CAMK1D: variants seen among roughly 807,000 people sequenced by gnomAD.
The protein encoded by CAMK1D is calcium/calmodulin dependent protein kinase ID, also known as calcium/calmodulin-dependent protein kinase type 1D.
CAMK1D carries 9 observed loss-of-function variants against 47.7 expected under a neutral mutation model. That is an observed-to-expected ratio of 0.19 (90% CI 0.11 to 0.33). The LOEUF (loss-of-function observed/expected upper bound fraction) is 0.33. Ranked by LOEUF, CAMK1D falls within the 10% of genes least tolerant of loss-of-function variation. The pLI is 1.00. For synonymous variants in CAMK1D, 184 were observed against 184.9 expected (o/e 0.99, Z 0.04); for missense variants, 291 against 488.7 (o/e 0.60, Z 3.81).
At chr10:12,709,174 G>A (rs910585719) in intron 3 of CAMK1D, among the ~76,000 whole-genome samples, 9 of 152,180 alleles carry the variant, frequency 5.9e-5, no homozygotes, top group Non-Finnish European at 8.8e-5. Context: ...TGGGAAAGCC[G>A]ACTTGGAGCT....
intron 1 of CAMK1D, among the ~76,000 whole-genome samples, chr10:12,430,595 A>G (rs1468810676): frequency 6.6e-6 from 1 of 152,204 alleles, no homozygotes; most frequent in Non-Finnish European, 1.5e-5. Context: ...ACACACTGAG[A>G]CCAGACAGCT....
intron 4 of CAMK1D, among the ~76,000 whole-genome samples, chr10:12,763,065 G>A (rs1836579871): frequency 1.3e-5 from 2 of 152,212 alleles, no homozygotes; most frequent in Non-Finnish European, 2.9e-5. Context: ...GGGAGATAAT[G>A]TTTTTAATTA....
chr10:12,680,880 G>A (rs1345643992), intron 3 of CAMK1D, among the ~76,000 whole-genome samples: 3 of 100,780 alleles, frequency 3.0e-5, no homozygotes, highest in Admixed American at 1.2e-4. Flanking sequence ...GTGAGACCAT[G>A]TCTCAAAAAA....
At chr10:12,789,755 G>T (rs764424352) in intron 5 of CAMK1D, among the ~76,000 whole-genome samples, 15 of 152,186 alleles carry the variant, frequency 9.9e-5, no homozygotes, top group Non-Finnish European at 1.9e-4. Flanking sequence ...GATTGTTGGG[G>T]TGAGTGAGTG....
At chr10:12,352,621 T>TA (rs1837385595) in intron 1 of CAMK1D, among the ~76,000 whole-genome samples, 1 of 150,894 alleles carries the variant, frequency 6.6e-6, no homozygotes, top group Admixed American at 6.6e-5. Flanking sequence ...AAAAATAAAA[T>TA]AAAATAAATG....
chr10:12,479,426 C>T (rs1228575426), intron 1 of CAMK1D, among the ~76,000 whole-genome samples: 1 of 152,146 alleles, frequency 6.6e-6, no homozygotes, highest in Non-Finnish European at 1.5e-5. Flanking sequence ...GAACTCCTGA[C>T]TTCAGGTGAT....
intron 1 of CAMK1D, among the ~76,000 whole-genome samples, chr10:12,503,037 T>C (rs1278651348): frequency 6.6e-6 from 1 of 152,248 alleles, no homozygotes. Context: ...TGTGTGTGTG[T>C]GTGCATGTGT....
At chr10:12,660,630 A>G (rs962532055) in intron 2 of CAMK1D, among the ~76,000 whole-genome samples, 4 of 151,916 alleles carry the variant, frequency 2.6e-5, no homozygotes, top group Non-Finnish European at 5.9e-5. Flanking sequence ...ACTTCCCTCT[A>G]CCATTTCTGT....
chr10:12,484,283 ACCAAGTCG>A (rs1390614669), intron 1 of CAMK1D, among the ~76,000 whole-genome samples: 2 of 152,192 alleles, frequency 1.3e-5, no homozygotes, highest in Non-Finnish European at 2.9e-5. Context: ...GGCTGGCAAC[ACCAAGTCG>A]CCATCTCTCT....
chr10:12,540,301 A>C (rs1836124911), intron 1 of CAMK1D, among the ~76,000 whole-genome samples: 1 of 152,172 alleles, frequency 6.6e-6, no homozygotes, highest in Non-Finnish European at 1.5e-5. Context: ...ATAAGAAAAA[A>C]AAATGATTGA....
chr10:12,561,090 AT>A (rs1002229485), intron 2 of CAMK1D, among the ~76,000 whole-genome samples: 3 of 151,268 alleles, frequency 2.0e-5, no homozygotes, highest in Non-Finnish European at 2.9e-5. Flanking sequence ...ATTGTTTTGT[AT>A]TTTTTTTAAT....
intron 1 of CAMK1D, among the ~76,000 whole-genome samples, chr10:12,541,590 A>C (rs1836176505): frequency 6.6e-6 from 1 of 151,880 alleles, no homozygotes; most frequent in South Asian, 2.1e-4. Flanking sequence ...CGAACTCCTG[A>C]GCTTGTGATT....
intron 3 of CAMK1D, among the ~76,000 whole-genome samples, chr10:12,739,809 G>T (rs527685137): frequency 6.6e-6 from 1 of 152,024 alleles, no homozygotes; most frequent in South Asian, 2.1e-4. Flanking sequence ...GTCTTGGTTC[G>T]TTACAGCTCA....
At chr10:12,488,489 T>C (rs571898560) in intron 1 of CAMK1D, among the ~76,000 whole-genome samples, 9 of 152,168 alleles carry the variant, frequency 5.9e-5, no homozygotes, top group Non-Finnish European at 1.3e-4. Flanking sequence ...CACCAGGGAC[T>C]GGTTTCATGG....
chr10:12,717,987 G>A (rs1225670251), intron 3 of CAMK1D, among the ~76,000 whole-genome samples: 1 of 151,904 alleles, frequency 6.6e-6, no homozygotes, highest in Admixed American at 6.6e-5. Context: ...CTAGTGCAGT[G>A]TGTCATTATA....
chr10:12,802,730 C>T (rs572803016), intron 6 of CAMK1D, among the ~76,000 whole-genome samples: 2 of 152,286 alleles, frequency 1.3e-5, no homozygotes, highest in South Asian at 2.1e-4. Context: ...CCATGTTGGC[C>T]AGGCTGGTCT....
chr10:12,586,910 C>T (rs1837835576), intron 2 of CAMK1D, among the ~76,000 whole-genome samples: 2 of 152,242 alleles, frequency 1.3e-5, no homozygotes, highest in East Asian at 1.9e-4. Context: ...GGCCTGGGAG[C>T]GGCTTTGGAG....
chr10:12,809,825 C>T (rs1832527910), intron 6 of CAMK1D, among the ~76,000 whole-genome samples: 1 of 152,008 alleles, frequency 6.6e-6, no homozygotes, highest in Non-Finnish European at 1.5e-5. Flanking sequence ...TACATTGCAC[C>T]TATAGTCAAC....
intron 3 of CAMK1D, among the ~76,000 whole-genome samples, chr10:12,704,108 C>T (rs976243932): frequency 6.6e-5 from 10 of 151,988 alleles, no homozygotes; most frequent in Non-Finnish European, 1.3e-4. Flanking sequence ...TCAAAAGACC[C>T]AATTAGTGGA....
Sources: allele counts gnomAD v4.1 joint callset (sites outside exome capture counted in the v4.1 genomes callset), GRCh38; gene constraint gnomAD v4.1.1; transcripts MANE v1.5; gene names NCBI Gene and HGNC (gene_info 2026-07-23, HGNC 2026-07-21).